Variants in SNTG1 observed in about 807,000 individuals in gnomAD.
The protein encoded by SNTG1 is syntrophin gamma 1.
SNTG1 carries 39 observed loss-of-function variants against 74.7 expected under a neutral mutation model. That is an observed-to-expected ratio of 0.52 (90% CI 0.40 to 0.68). The LOEUF (loss-of-function observed/expected upper bound fraction) is 0.68. Ranked by LOEUF, SNTG1 falls within the 30% of genes least tolerant of loss-of-function variation. SNTG1 has a pLI of 0.00. For synonymous variants in SNTG1, 254 were observed against 217.1 expected (o/e 1.17, Z -1.49); for missense variants, 685 against 609.5 (o/e 1.12, Z -1.30).
chr8:50,109,367 G>A (rs1017698616), intron 1 of SNTG1, among the ~76,000 whole-genome samples: 2 of 152,118 alleles, frequency 1.3e-5, no homozygotes, highest in African/African-American at 2.4e-5. Flanking sequence ...TCAATCTTAA[G>A]TTCTGTCATC....
chr8:50,019,405 C>T (rs1264108939), intron 1 of SNTG1, among the ~76,000 whole-genome samples: 1 of 151,964 alleles, frequency 6.6e-6, no homozygotes, highest in Non-Finnish European at 1.5e-5. Context: ...TATTAAATTA[C>T]CTTAAGATGG....
At chr8:50,011,717 C>T (rs1158322883) in intron 1 of SNTG1, 3 of 151,988 alleles carry the variant, frequency 2.0e-5, no homozygotes, top group Non-Finnish European at 4.4e-5. Context: ...AAGATTATCA[C>T]TGTTTTAATG....
At chr8:50,766,106 G>A (rs2095612864) in intron 18 of SNTG1, among the ~76,000 whole-genome samples, 1 of 151,928 alleles carries the variant, frequency 6.6e-6, no homozygotes, top group Admixed American at 6.6e-5. Context: ...AGTTTGTTCT[G>A]GTGGAGGCCA....
chr8:49,911,022 C>G (rs1262340811), upstream of SNTG1: 2 of 152,222 alleles, frequency 1.3e-5, no homozygotes, highest in Non-Finnish European at 2.9e-5. Context: ...CGATCCCGAT[C>G]CAATTCAGCA....
At chr8:49,974,564 CCCTGG>C (rs1331155170) in intron 1 of SNTG1, among the ~76,000 whole-genome samples, 1 of 152,130 alleles carries the variant, frequency 6.6e-6, no homozygotes, top group Non-Finnish European at 1.5e-5. Context: ...CATAAGAGAG[CCCTGG>C]CCTGGCCTAG....
intron 2 of SNTG1, among the ~76,000 whole-genome samples, chr8:50,277,439 A>G (rs1334958298): frequency 2.6e-5 from 4 of 152,192 alleles, no homozygotes; most frequent in Non-Finnish European, 5.9e-5. Context: ...AATTATATGT[A>G]TTTTTGAAAT....
intron 11 of SNTG1, among the ~76,000 whole-genome samples, chr8:50,545,459 C>T (rs2094380337): frequency 6.8e-6 from 1 of 148,042 alleles, no homozygotes. Context: ...ATGCACCTGT[C>T]ACTTTATATA....
At chr8:49,971,213 A>G (rs1811638764) in intron 1 of SNTG1, among the ~76,000 whole-genome samples, 4 of 152,242 alleles carry the variant, frequency 2.6e-5, no homozygotes. Context: ...GGCTGGTTCA[A>G]CATATGCCAA....
At chr8:50,587,971 T>A (rs2094663950) in intron 12 of SNTG1, among the ~76,000 whole-genome samples, 2 of 151,298 alleles carry the variant, frequency 1.3e-5, no homozygotes, top group African/African-American at 2.4e-5. Flanking sequence ...TAAAAAAAAA[T>A]TAGCCAGGTG....
intron 15 of SNTG1, among the ~76,000 whole-genome samples, chr8:50,682,230 C>T (rs755746793): frequency 7.2e-5 from 11 of 152,148 alleles, no homozygotes; most frequent in Admixed American, 5.2e-4. Flanking sequence ...GTCCCTACTG[C>T]TGTGTCATTC....
At chr8:50,689,604 G>T (rs2095368496) in intron 15 of SNTG1, among the ~76,000 whole-genome samples, 1 of 96,104 alleles carries the variant, frequency 1.0e-5, no homozygotes. Context: ...AAGCCCACTT[G>T]ATCATGGTAG....
chr8:50,730,868 A>G (rs1009276848), intron 17 of SNTG1, among the ~76,000 whole-genome samples: 59 of 152,254 alleles, frequency 3.9e-4, no homozygotes, highest in African/African-American at 1.4e-3. Context: ...TATTGGAAGA[A>G]CGCTACTAAA....
In SNTG1 at chr8:49,922,948, T is replaced by C. The variant is rs1358952439; in HGVS notation, c.-103+10717T>C. On this transcript the variant is annotated intron_variant, in intron 1 of 18. Coordinates refer to ENST00000642720, the MANE Select transcript of SNTG1 (RefSeq NM_018967.5). Reference sequence around the variant, plus strand: ...TTCTCCATAAATGTACTGATAAATGTAATGATTCGTGTCTACTTTATTAAT... The same window carrying C: ...TTCTCCATAAATGTACTGATAAATGCAATGATTCGTGTCTACTTTATTAAT... 2.6e-5 allele frequency among the ~76,000 whole-genome samples: 4 copies of C among 152,154 alleles called. No individual in the cohort carries two copies. The East Asian group carries it at 7.7e-4, about 29-fold the overall frequency.
At chr8:50,179,828 C>G (rs2083136125) in intron 2 of SNTG1, among the ~76,000 whole-genome samples, 1 of 152,086 alleles carries the variant, frequency 6.6e-6, no homozygotes, top group Admixed American at 6.6e-5. Context: ...TGCACTGCTG[C>G]TGAGAATGTA....
At chr8:50,101,886 A>C (rs1003610023) in intron 1 of SNTG1, among the ~76,000 whole-genome samples, 1 of 151,956 alleles carries the variant, frequency 6.6e-6, no homozygotes, top group African/African-American at 2.4e-5. Context: ...AAGGACACGA[A>C]CTCATCATTT....
At chr8:50,049,261 T>A (rs1819362781) in intron 1 of SNTG1, among the ~76,000 whole-genome samples, 1 of 152,052 alleles carries the variant, frequency 6.6e-6, no homozygotes. Flanking sequence ...AACTGCATTA[T>A]CTACAAGAAA....
At chr8:50,116,765 G>T (rs1261923461) in intron 1 of SNTG1, among the ~76,000 whole-genome samples, 1 of 152,054 alleles carries the variant, frequency 6.6e-6, no homozygotes, top group African/African-American at 2.4e-5. Context: ...GAGTGCAGGG[G>T]CTGCTGCTCC....
intron 17 of SNTG1, among the ~76,000 whole-genome samples, chr8:50,724,378 T>C (rs1264829543): frequency 2.6e-5 from 4 of 152,182 alleles, no homozygotes; most frequent in African/African-American, 9.7e-5. Flanking sequence ...ATATGTGGTC[T>C]CCTCGGGCTA....
Position 50,272,243 on chromosome 8 carries a change from T to C in SNTG1, c.-28+99608T>C, listed in dbSNP as rs138212810. On this transcript the variant is annotated intron_variant, in intron 2 of 18. Coordinates refer to ENST00000642720, the MANE Select transcript of SNTG1 (RefSeq NM_018967.5). ...CAAATGTTTATTTGGCTAGTCTGCA[T>C]TGTATTTCCAAGAATTACCCTTTCT... Among the ~76,000 whole-genome samples, 1,293 of 152,358 alleles carry C rather than the reference T, an allele frequency of 8.5e-3. 22 individuals carry two copies. Among genetic ancestry groups the C allele is most frequent in the African/African-American group, 0.029 (1,226 of 41,578 alleles).
Sources: allele counts gnomAD v4.1 joint callset (sites outside exome capture counted in the v4.1 genomes callset), GRCh38; gene constraint gnomAD v4.1.1; transcripts MANE v1.5; gene names NCBI Gene and HGNC (gene_info 2026-07-23, HGNC 2026-07-21).